The following GPLD1 variants were observed in gnomAD, a reference collection of about 807,000 sequenced individuals.
The protein encoded by GPLD1 is phosphatidylinositol-glycan-specific phospholipase D.
Under a neutral mutation model 112.6 loss-of-function variants are expected in GPLD1, and 84 were observed. The ratio of observed to expected loss-of-function variants is 0.75; its 90% CI spans 0.63 to 0.89. The LOEUF is 0.89. GPLD1 is among the 40% of genes least tolerant of loss of function. The pLI, the probability that GPLD1 is intolerant of heterozygous loss-of-function variation, is 0.00. For synonymous variants in GPLD1, 386 were observed against 403.8 expected, an observed-to-expected ratio of 0.96 and a Z score of 0.53; for missense variants, 1,044 against 1,051.5, an observed-to-expected ratio of 0.99 and a Z score of 0.10.
chr6:24,456,433 G>A (rs1763271472), intron 13 of GPLD1, 65 bp downstream of exon 13: 2 of 1,011,676 alleles, frequency 2.0e-6, no homozygotes, highest in South Asian at 1.6e-5. Flanking sequence ...AAAAACAGTT[G>A]CAGAATGATT....
chr6:24,452,240 G>A (rs964290015), intron 14 of GPLD1, among the ~76,000 whole-genome samples: 15 of 152,164 alleles, frequency 9.9e-5, no homozygotes, highest in Non-Finnish European at 1.6e-4. Context: ...TGTGCCCAAA[G>A]GTTTACACTT....
At chr6:24,455,133 T>G (rs1350755175) in intron 13 of GPLD1, among the ~76,000 whole-genome samples, 1 of 152,128 alleles carries the variant, frequency 6.6e-6, no homozygotes, top group Non-Finnish European at 1.5e-5. Flanking sequence ...TGTTTAAGGC[T>G]GTGATACCTG....
At chr6:24,438,944 G>A (rs554262409) in intron 20 of GPLD1, among the ~76,000 whole-genome samples, 36 of 152,076 alleles carry the variant, frequency 2.4e-4, no homozygotes, top group African/African-American at 7.0e-4. Flanking sequence ...GCGCCACCAC[G>A]CCTAATTTTT....
Position 24,426,731 on chromosome 6 carries a change from G to T in GPLD1, c.*2301C>A, listed in dbSNP as rs2298059. Among the ~76,000 whole-genome samples the T allele has an allele frequency of 0.12, 18,668 of 152,160 alleles. 1,476 individuals are homozygous for T. Among genetic ancestry groups the T allele is most frequent in the East Asian group, 0.16 (815 of 5,176 alleles). ...TGCTCTAACTGCTCAACTCATAAGT[G>T]AATACAACTAAGTAATTTCTGGTCC... On this transcript the variant is annotated 3_prime_UTR_variant, in exon 25 of 25. Transcript: ENST00000230036.
chr6:24,435,232 C>T (rs1400778199), intron 22 of GPLD1, among the ~76,000 whole-genome samples: 5 of 149,060 alleles, frequency 3.4e-5, no homozygotes, highest in Admixed American at 6.7e-5. Flanking sequence ...AGGATGGTCT[C>T]GATCTTCTGA....
intron 14 of GPLD1, 54 bp downstream of exon 14, chr6:24,453,961 A>G: frequency 8.8e-7 from 1 of 1,141,138 alleles, no homozygotes; most frequent in South Asian, 1.5e-5. Context: ...TCTGCCACAA[A>G]ATGCAAGAGT....
intron 4 of GPLD1, among the ~76,000 whole-genome samples, chr6:24,475,502 T>C (rs184667818): frequency 0.031 from 4,636 of 147,618 alleles, 250 homozygotes; most frequent in African/African-American, 0.11. Flanking sequence ...ATTGCACCAC[T>C]GCACTCCAGC....
chr6:24,473,717 A>C, intron 5 of GPLD1, 50 bp from the exon 6 acceptor site: 3 of 1,262,770 alleles, frequency 2.4e-6, no homozygotes, highest in African/African-American at 1.5e-5. Flanking sequence ...TGTAGCCCCA[A>C]CTCTTACTTC....
Position 24,462,598 on chromosome 6 carries a change from C to G in GPLD1, c.887+132G>C, listed in dbSNP as rs1297246515. 3 of 659,082 alleles carry G rather than the reference C, an allele frequency of 4.6e-6. No individual in the cohort carries two copies. The Admixed American group carries it at 7.7e-5, about 17-fold the overall frequency. The allele number at this position is 659,082 out of a possible 1,614,324, so 40.8% of individuals were successfully genotyped here. On this transcript the variant is annotated intron_variant, in intron 11 of 24. Coordinates refer to ENST00000230036, the MANE Select transcript of GPLD1 (RefSeq NM_001503.4). Reference sequence around the variant, plus strand: ...TCAAGCAGCTTGTTTAAAAATCACACAGCTGCAAGTGACAAATCTGGAATT... The same window carrying G: ...TCAAGCAGCTTGTTTAAAAATCACAGAGCTGCAAGTGACAAATCTGGAATT...
In GPLD1 at chr6:24,445,586, C is replaced by T. The variant is rs1062510; in HGVS notation, c.1980G>A (p.Gly660=). The T allele has an allele frequency of 1.2e-6, 2 of 1,614,030 alleles. No individual in the cohort carries two copies. The highest frequency in any genetic ancestry group is 1.7e-6 in the Non-Finnish European group (2 of 1,179,924). The part of the protein sequence containing the change: ...SLSSGHVLMN[G]TLKQVLLVGA... ...CAACCAGCAGCACTTGTTTCAGAGT[C>T]CCATTCATCAGTACGTGGCCACTGG... The change falls in exon 20 of 25, where the codon GGG becomes GGA. Residue 660 remains glycine (G), a synonymous_variant. Coordinates refer to ENST00000230036, the MANE Select transcript of GPLD1 (RefSeq NM_001503.4).
rs150967458 is a variant in GPLD1, at chr6:24,447,909, G to A, written c.1646C>T (p.Ala549Val). 1.3e-5 allele frequency: 21 copies of A among 1,613,850 alleles called. No individual in the cohort carries two copies. Among genetic ancestry groups the A allele is most frequent in the South Asian group, 3.3e-5 (3 of 91,068 alleles). The change falls in exon 17 of 25, where the codon GCG becomes GTG. Residue 549 changes from alanine (A) to valine (V), a missense_variant. Physicochemically the swap from Ala to Val is moderately conservative, Grantham distance 64. Transcript: ENST00000230036. ...GGGKQKGIVA[A>V]FYSGPSLSDK... ...GCTCAGGCTGGGGCCAGAATAAAAC[G>A]CAGCCACAATTCCCTTCTGCTTCCC...
rs1412331932 is a variant in GPLD1, at chr6:24,436,591, T to C, written c.2343A>G (p.Pro781=). The change falls in exon 22 of 25, where the codon CCA becomes CCG. Residue 781 remains proline, a synonymous_variant. Transcript: ENST00000230036. ...MTGKCKSWIT[P]CPEEKAQYVL... ...GAACACTTACCTTTTCTTCTGGACA[T>C]GGAGTTATCCATGATTTGCATTTGC... 2.5e-6 allele frequency: 4 copies of C among 1,613,888 alleles called. No individual in the cohort carries two copies. Among genetic ancestry groups the C allele is most frequent in the Non-Finnish European group, 3.4e-6 (4 of 1,179,838 alleles).
intron 14 of GPLD1, among the ~76,000 whole-genome samples, chr6:24,450,214 G>A (rs1008059388): frequency 4.6e-5 from 7 of 152,128 alleles, no homozygotes; most frequent in Non-Finnish European, 5.9e-5. Context: ...ACTTATCTTC[G>A]AAAGTATCTA....
chr6:24,458,568 A>T (rs946342454), intron 12 of GPLD1, among the ~76,000 whole-genome samples: 3 of 152,184 alleles, frequency 2.0e-5, no homozygotes, highest in African/African-American at 7.2e-5. Flanking sequence ...AAATTAAAAC[A>T]TGCAGCCTTT....
At chr6:24,438,673 CA>C (rs1762652805) in intron 20 of GPLD1, among the ~76,000 whole-genome samples, 1 of 152,216 alleles carries the variant, frequency 6.6e-6, no homozygotes, top group Non-Finnish European at 1.5e-5. Flanking sequence ...GGGCAAACAA[CA>C]TGACCTAACA....
chr6:24,489,468 C>A lies in GPLD1; in HGVS notation c.44G>T (p.Gly15Val). ...RLWPGLLIML[G>V]SLCHRGSPCG... The stretch of plus-strand genomic sequence containing the variant: ...CGGTGAACCTCTATGGCAGAGAGAA[C>A]CCAACATGATCAGCAGGCCAGGCCA... The change falls in exon 1 of 25, where the codon GGT (glycine) becomes GTT (valine). Residue 15 changes from glycine (G) to valine (V), a missense_variant. Coordinates refer to ENST00000230036, the MANE Select transcript of GPLD1 (RefSeq NM_001503.4). The A allele has an allele frequency of 6.2e-7, 1 of 1,613,986 alleles. No homozygotes were observed. The highest frequency in any genetic ancestry group is 1.1e-5 in the South Asian group (1 of 91,072).
chr6:24,439,866 C>T (rs1762691016), intron 20 of GPLD1, among the ~76,000 whole-genome samples: 1 of 152,194 alleles, frequency 6.6e-6, no homozygotes, highest in Non-Finnish European at 1.5e-5. Flanking sequence ...AGAATTCCTT[C>T]TGTAATGCTT....
At chr6:24,464,213 C>CT (rs1330561007) in intron 10 of GPLD1, among the ~76,000 whole-genome samples, 1 of 152,146 alleles carries the variant, frequency 6.6e-6, no homozygotes, top group Non-Finnish European at 1.5e-5. Flanking sequence ...CTTTACATGA[C>CT]TGATCTAATT....
At chr6:24,474,145 A>C (rs1008913853) in intron 5 of GPLD1, among the ~76,000 whole-genome samples, 6 of 146,366 alleles carry the variant, frequency 4.1e-5, no homozygotes, top group East Asian at 4.0e-4. Flanking sequence ...ACAAACAAAA[A>C]AACAACAACA....
Sources: allele counts gnomAD v4.1 joint callset (sites outside exome capture counted in the v4.1 genomes callset), GRCh38; gene constraint gnomAD v4.1.1; transcripts MANE v1.5; gene names NCBI Gene and HGNC (gene_info 2026-07-23, HGNC 2026-07-21).